The following EBF1 variants were observed in gnomAD, a reference collection of about 807,000 sequenced individuals.
EBF1 encodes transcription factor COE1.
A neutral mutation model predicts 68.4 loss-of-function variants in EBF1; 10 were observed. The ratio of observed to expected loss-of-function variants is 0.15; its 90% CI spans 0.09 to 0.25. The LOEUF is 0.25. Ranked by LOEUF, EBF1 falls within the 10% of genes least tolerant of loss-of-function variation. The pLI is 1.00. For missense variants in EBF1, 509 were observed against 794.4 expected (o/e 0.64, Z 4.32); for synonymous variants, 298 against 299.8 (o/e 0.99, Z 0.06).
chr5:159,099,420 A>C lies in EBF1; in HGVS notation c.59T>G (p.Leu20Arg). ...RSGSSMKEEPLGSGMNAVRTW... is the reference protein window; with the variant it reads ...RSGSSMKEEPRGSGMNAVRTW... ...CCGCACCGCGTTCATGCCGCTGCCC[A>C]GCGGCTCTTCCTTCATGCTGCTTCC... The change falls in exon 1 of 16, where the codon CTG becomes CGG. Residue 20 changes from leucine (L) to arginine (R), a missense_variant. Leu to Arg is a moderately radical substitution (Grantham distance 102, BLOSUM62 -2). Around this residue, in one of 3 missense-constraint regions of EBF1, gnomAD observed 74 missense variants for 79.4 expected, o/e 0.93. Transcript: ENST00000313708. 6.2e-7 allele frequency: 1 copy of C among 1,602,228 alleles called. No homozygotes were observed. The highest frequency in any genetic ancestry group is 2.3e-5 in the East Asian group (1 of 42,992).
chr5:159,031,853 G>T (rs912720412), intron 6 of EBF1, among the ~76,000 whole-genome samples: 1 of 152,044 alleles, frequency 6.6e-6, no homozygotes, highest in Non-Finnish European at 1.5e-5. Context: ...TGTAAAAATA[G>T]AACAGTTGGA....
At chr5:158,739,680 A>G (rs1303770220) in intron 10 of EBF1, among the ~76,000 whole-genome samples, 2 of 152,226 alleles carry the variant, frequency 1.3e-5, no homozygotes, top group Admixed American at 1.3e-4. Context: ...ACATTTAAGG[A>G]TACGTCCATA....
At chr5:158,879,804 C>T (rs781240079) in intron 6 of EBF1, among the ~76,000 whole-genome samples, 5 of 152,090 alleles carry the variant, frequency 3.3e-5, no homozygotes, top group African/African-American at 1.2e-4. Flanking sequence ...GGAGTAGCCC[C>T]GATTTTGAAT....
chr5:159,031,107 G>A (rs1768740784), intron 6 of EBF1, among the ~76,000 whole-genome samples: 1 of 152,222 alleles, frequency 6.6e-6, no homozygotes, highest in African/African-American at 2.4e-5. Flanking sequence ...CCGCGAGGCG[G>A]AGGTTGTGGT....
At chr5:158,819,305 C>T (rs1310031529) in intron 8 of EBF1, among the ~76,000 whole-genome samples, 4 of 152,208 alleles carry the variant, frequency 2.6e-5, no homozygotes, top group African/African-American at 4.8e-5. Flanking sequence ...TTAGTCACTT[C>T]TCCCGGCATT....
chr5:158,896,461 A>C (rs886493526), intron 6 of EBF1, among the ~76,000 whole-genome samples: 1 of 152,250 alleles, frequency 6.6e-6, no homozygotes, highest in Non-Finnish European at 1.5e-5. Flanking sequence ...GTAATGTACT[A>C]CATGCTGACT....
chr5:158,961,557 A>T lies in EBF1; in HGVS notation c.554+111839T>A, dbSNP rs775217355. ...AACAGCATAATCCAATTTTGTAAAT[A>T]CACAGTTCTGATATATACAGAGAAA... On this transcript the variant is annotated intron_variant, in intron 6 of 15. Transcript: ENST00000313708. 3.9e-5 allele frequency among the ~76,000 whole-genome samples: 6 copies of T among 152,334 alleles called. No homozygotes were observed. The South Asian group carries it at 6.2e-4, about 16-fold the overall frequency.
At chr5:158,839,074 G>A (rs1407786534) in intron 7 of EBF1, among the ~76,000 whole-genome samples, 3 of 152,156 alleles carry the variant, frequency 2.0e-5, no homozygotes, top group Admixed American at 2.0e-4. Flanking sequence ...GAAGCACCAC[G>A]TCTAGACTCA....
chr5:158,822,734 G>A (rs1248541252), intron 8 of EBF1, among the ~76,000 whole-genome samples: 2 of 152,124 alleles, frequency 1.3e-5, no homozygotes, highest in East Asian at 3.9e-4. Flanking sequence ...CCAGGAGGGT[G>A]GTAAAGAGGA....
At chr5:158,889,844 T>G (rs980382144) in intron 6 of EBF1, among the ~76,000 whole-genome samples, 3 of 152,168 alleles carry the variant, frequency 2.0e-5, no homozygotes, top group African/African-American at 7.2e-5. Context: ...AAATCAAAGA[T>G]ATTCAAACAA....
At chr5:158,762,771 G>A (rs1771766254) in intron 10 of EBF1, among the ~76,000 whole-genome samples, 1 of 152,058 alleles carries the variant, frequency 6.6e-6, no homozygotes, top group Non-Finnish European at 1.5e-5. Context: ...TCCTGACCTC[G>A]TGATCCGCCT....
At chr5:159,037,617 G>A (rs1320285897) in intron 6 of EBF1, among the ~76,000 whole-genome samples, 12 of 129,246 alleles carry the variant, frequency 9.3e-5, no homozygotes, top group African/African-American at 3.3e-4. Context: ...GAGATCACAT[G>A]GACACAGGAA....
At chr5:158,879,076 C>T (rs1322531753) in intron 6 of EBF1, among the ~76,000 whole-genome samples, 1 of 152,112 alleles carries the variant, frequency 6.6e-6, no homozygotes, top group Non-Finnish European at 1.5e-5. Context: ...AGTCTACATC[C>T]CTATTATTCA....
intron 9 of EBF1, among the ~76,000 whole-genome samples, chr5:158,794,641 T>C (rs901027918): frequency 5.3e-5 from 8 of 152,144 alleles, no homozygotes; most frequent in Non-Finnish European, 1.2e-4. Flanking sequence ...TACAATGACA[T>C]GAAACAAGGA....
In EBF1 at chr5:158,839,945, T is replaced by A. The variant is rs999519518; in HGVS notation, c.636+84A>T. On this transcript the variant is annotated intron_variant, in intron 7 of 15. Coordinates refer to ENST00000313708, the MANE Select transcript of EBF1 (RefSeq NM_024007.5). ...GCTCTTCACCTCTGGGAAAAAAAGC[T>A]ACGTATCTTCTGCCTAAGACTTTTT... 22 of 1,350,706 alleles carry A rather than the reference T, an allele frequency of 1.6e-5. No homozygotes were observed. In the African/African-American group the frequency reaches 2.8e-4, roughly 17 times the overall value. 83.7% of individuals were successfully genotyped at this position (1,350,706 alleles called of 1,614,324 possible).
In EBF1 at chr5:159,031,595, T is replaced by C. The variant is rs545958720; in HGVS notation, c.554+41801A>G. ...GGAGAAGGGGAGGAGGCAAAGTCTG[T>C]GGCACAGTCACTAGCACATCTCCAG... On this transcript the variant is annotated intron_variant, in intron 6 of 15. Transcript: ENST00000313708. Among the ~76,000 whole-genome samples, 146 of 152,332 alleles carry C rather than the reference T, an allele frequency of 9.6e-4. 1 individual carries two copies. The highest frequency in any genetic ancestry group is 3.1e-3 in the African/African-American group (129 of 41,574).
chr5:159,051,244 T>C (rs1482924516), intron 6 of EBF1, among the ~76,000 whole-genome samples: 1 of 151,974 alleles, frequency 6.6e-6, no homozygotes, highest in African/African-American at 2.4e-5. Flanking sequence ...TCACAAGTAG[T>C]GAGATGTCAC....
chr5:158,767,931 A>G (rs1227576517), intron 10 of EBF1, among the ~76,000 whole-genome samples: 1 of 152,128 alleles, frequency 6.6e-6, no homozygotes, highest in Non-Finnish European at 1.5e-5. Context: ...GATGAGTTCC[A>G]TTTTAACTTA....
chr5:158,969,566 T>A (rs1203933589), intron 6 of EBF1, among the ~76,000 whole-genome samples: 1 of 127,826 alleles, frequency 7.8e-6, no homozygotes, highest in Non-Finnish European at 1.6e-5. Context: ...GAGTTTGAGA[T>A]CAGCCTAGGC....
Sources: allele counts gnomAD v4.1 joint callset (sites outside exome capture counted in the v4.1 genomes callset), GRCh38; gene constraint gnomAD v4.1.1; regional missense constraint gnomAD v4.1.1; transcripts MANE v1.5; gene names NCBI Gene and HGNC (gene_info 2026-07-23, HGNC 2026-07-21).